Variants in PDE1C observed in about 807,000 individuals in gnomAD.
PDE1C encodes phosphodiesterase 1C.
PDE1C carries 62 observed loss-of-function variants against 93.1 expected under a neutral mutation model. That is an observed-to-expected ratio of 0.67 (90% CI 0.54 to 0.82). PDE1C has a LOEUF of 0.82. Among genes scored for constraint, PDE1C ranks in the 40% least tolerant of loss-of-function variants. PDE1C has a pLI of 0.00. For missense variants in PDE1C, 742 were observed against 884.6 expected, an observed-to-expected ratio of 0.84 and a Z score of 2.04; for synonymous variants, 325 against 310.1, an observed-to-expected ratio of 1.05 and a Z score of -0.50.
chr7:31,816,347 T>C (rs1198401317), intron 14 of PDE1C, among the ~76,000 whole-genome samples, 193 bp from the exon 15 acceptor site: 1 of 151,816 alleles, frequency 6.6e-6, no homozygotes, highest in Non-Finnish European at 1.5e-5. Context: ...GATGTCATTC[T>C]GAAAACAGTT....
Position 31,985,452 on chromosome 7 carries a change from T to C in PDE1C, c.128+66102A>G, listed in dbSNP as rs187217392. Among the ~76,000 whole-genome samples the C allele has an allele frequency of 7.9e-5, 12 of 152,334 alleles. No individual in the cohort carries two copies. The East Asian group carries it at 2.3e-3, about 29-fold the overall frequency. On this transcript the variant is annotated intron_variant, in intron 2 of 17. Transcript: ENST00000396191. ...TATTTTGTTATTATACTTTAAGTTC[T>C]AGGGAACATGTGCACAACATGCAGG...
chr7:31,921,705 A>G (rs1327095663), intron 2 of PDE1C, among the ~76,000 whole-genome samples: 1 of 152,196 alleles, frequency 6.6e-6, no homozygotes, highest in Non-Finnish European at 1.5e-5. Flanking sequence ...AAAAAACACC[A>G]GCTCATGCTT....
intron 1 of PDE1C, among the ~76,000 whole-genome samples, chr7:32,380,252 T>G (rs758625611): frequency 2.6e-5 from 4 of 151,974 alleles, no homozygotes; most frequent in Non-Finnish European, 5.9e-5. Context: ...TATTTATTTT[T>G]TTTGAGATGG....
intron 1 of PDE1C, among the ~76,000 whole-genome samples, chr7:32,365,153 A>C (rs1449554572): frequency 6.6e-6 from 1 of 152,178 alleles, no homozygotes; most frequent in Non-Finnish European, 1.5e-5. Flanking sequence ...TCAGGGCTTG[A>C]GGAACAGCTC....
intron 1 of PDE1C, among the ~76,000 whole-genome samples, chr7:32,069,171 A>AC (rs768943699): frequency 6.6e-5 from 10 of 152,182 alleles, no homozygotes; most frequent in Admixed American, 1.3e-4. Context: ...GTCAATAAGG[A>AC]CCCCTTAAAG....
chr7:32,421,615 C>T (rs1373914547), intron 1 of PDE1C, among the ~76,000 whole-genome samples: 2 of 152,200 alleles, frequency 1.3e-5, no homozygotes, highest in African/African-American at 4.8e-5. Flanking sequence ...CCTTCTCTGA[C>T]ACCAGGCTGC....
At chr7:32,067,981 C>T (rs572470501) in intron 1 of PDE1C, among the ~76,000 whole-genome samples, 14 of 152,166 alleles carry the variant, frequency 9.2e-5, no homozygotes, top group African/African-American at 2.2e-4. Context: ...AAATTAAATA[C>T]GGGCGATACC....
At chr7:32,311,866 G>A (rs1208509708) in intron 1 of PDE1C, among the ~76,000 whole-genome samples, 5 of 152,148 alleles carry the variant, frequency 3.3e-5, no homozygotes, top group South Asian at 2.1e-4. Context: ...GCCCTCTCTC[G>A]CCACTCCTAT....
intron 1 of PDE1C, among the ~76,000 whole-genome samples, chr7:32,392,276 G>A (rs941712253): frequency 1.3e-5 from 2 of 152,112 alleles, no homozygotes; most frequent in Non-Finnish European, 2.9e-5. Context: ...AAACCTATAA[G>A]TAATAAATTG....
At chr7:31,740,905 C>T in the PDE1C span, among the ~76,000 whole-genome samples, 2 of 151,888 alleles carry the variant, frequency 1.3e-5, no homozygotes, top group Non-Finnish European at 2.9e-5. Context: ...CCTGTCTCTA[C>T]AAAAAACTGA....
intron 2 of PDE1C, among the ~76,000 whole-genome samples, chr7:31,933,070 T>G (rs1386150217): frequency 6.6e-6 from 1 of 151,752 alleles, no homozygotes; most frequent in Non-Finnish European, 1.5e-5. Flanking sequence ...TGTCAGGGGT[T>G]AAGGGGCAAG....
At chr7:32,096,813 G>GATAGATA (rs1563309613) in intron 3 of PDE1C, among the ~76,000 whole-genome samples, 3 of 85,770 alleles carry the variant, frequency 3.5e-5, no homozygotes, top group African/African-American at 1.5e-4. Flanking sequence ...AACCAGTAGG[G>GATAGATA]GATAGAAAGA....
chr7:32,416,276 T>A (rs1429028533), intron 1 of PDE1C, among the ~76,000 whole-genome samples: 2 of 152,162 alleles, frequency 1.3e-5, no homozygotes, highest in African/African-American at 2.4e-5. Context: ...ACTCCGTGGG[T>A]GCTCAGGGAA....
intron 3 of PDE1C, among the ~76,000 whole-genome samples, chr7:32,167,031 C>A (rs1181528836): frequency 6.6e-6 from 1 of 152,020 alleles, no homozygotes; most frequent in Admixed American, 6.6e-5. Flanking sequence ...TTAAGCCTGG[C>A]AAATAAGAAC....
At chr7:32,103,480 C>G (rs183467075) in intron 3 of PDE1C, among the ~76,000 whole-genome samples, 107 of 152,228 alleles carry the variant, frequency 7.0e-4, no homozygotes, top group African/African-American at 2.5e-3. Context: ...GCCCAGGTAG[C>G]AGACTAAAAC....
chr7:32,299,368 C>T (rs182745424), upstream of PDE1C: 95 of 985,762 alleles, frequency 9.6e-5, 2 homozygotes, highest in Admixed American at 5.5e-3. Context: ...AGCCACTGCC[C>T]CCAGCACTGG....
chr7:31,747,492 A>T (rs567347111), downstream of PDE1C, among the ~76,000 whole-genome samples: 1 of 152,168 alleles, frequency 6.6e-6, no homozygotes, highest in African/African-American at 2.4e-5. Flanking sequence ...TTTGCCCACT[A>T]TGATTGTAAT....
At chr7:32,128,152 A>G (rs529313843) in intron 3 of PDE1C, among the ~76,000 whole-genome samples, 6 of 149,416 alleles carry the variant, frequency 4.0e-5, no homozygotes, top group Admixed American at 6.7e-5. Flanking sequence ...TATTAGTTAC[A>G]TAACAAGTCA....
chr7:31,830,420 C>T (rs116681667), intron 11 of PDE1C, among the ~76,000 whole-genome samples: 1,863 of 151,990 alleles, frequency 0.012, 28 homozygotes, highest in African/African-American at 0.042. Flanking sequence ...TCCAGGACAG[C>T]GCAGAAAAAT....
Sources: allele counts gnomAD v4.1 joint callset (sites outside exome capture counted in the v4.1 genomes callset), GRCh38; gene constraint gnomAD v4.1.1; transcripts MANE v1.5; gene names NCBI Gene and HGNC (gene_info 2026-07-23, HGNC 2026-07-21).